Variants in RHCE observed in about 807,000 individuals in gnomAD.
RHCE encodes the protein blood group Rh(CE) polypeptide.
RHCE carries 22 observed loss-of-function variants against 43.8 expected under a neutral mutation model. The ratio of observed to expected loss-of-function variants is 0.50; its 90% CI spans 0.36 to 0.72. The LOEUF is 0.72. Among genes scored for constraint, RHCE ranks in the 30% least tolerant of loss-of-function variants. RHCE has a pLI of 0.00. For missense variants in RHCE, 385 were observed against 525.4 expected (o/e 0.73, Z 2.61); for synonymous variants, 156 against 210.7 (o/e 0.74, Z 2.25).
rs550071388 is a variant in RHCE, at chr1:25,406,464, C to T, written c.335+2219G>A. On this transcript the variant is annotated intron_variant, in intron 2 of 9. Coordinates refer to ENST00000294413, the MANE Select transcript of RHCE (RefSeq NM_020485.8). ...AGTAGCTGGGATTACAGGTGCCTGC[C>T]ACAATGCCCAGCTAATTTTTGTGTT... 2.5e-5 allele frequency among the ~76,000 whole-genome samples: 3 copies of T among 118,502 alleles called. 1 individual carries two copies. The highest frequency in any genetic ancestry group is 7.7e-5 in the African/African-American group (3 of 38,806). The allele number at this position is 118,502 out of a possible 152,430, so 77.7% of individuals were successfully genotyped here.
intron 1 of RHCE, among the ~76,000 whole-genome samples, chr1:25,416,156 T>C (rs1647404530): frequency 6.6e-6 from 1 of 152,140 alleles, no homozygotes; most frequent in African/African-American, 2.4e-5. Context: ...CTCCTAGCTT[T>C]GGAAGGTGCC....
At chr1:25,388,025 G>C (rs995753597) in intron 6 of RHCE, among the ~76,000 whole-genome samples, 23 of 151,862 alleles carry the variant, frequency 1.5e-4, no homozygotes, top group African/African-American at 5.3e-4. Flanking sequence ...CACCATGTTG[G>C]CCAGGCTGGT....
rs537670540 is a variant in RHCE at position 25,371,620 on chromosome 1, G to A, written c.1154-1080C>T. On this transcript the variant is annotated intron_variant, in intron 8 of 9. Coordinates refer to ENST00000294413, the MANE Select transcript of RHCE (RefSeq NM_020485.8). ...ACACCTGAGCTCAAGTGATCTGCCC[G>A]CCTTTGCCTTCTAAAGGGCTGCAAT... is the stretch of plus-strand genomic sequence containing the variant. Among the ~76,000 whole-genome samples the A allele has an allele frequency of 7.3e-5, 11 of 151,474 alleles. No individual in the cohort carries two copies. In the Middle Eastern group the frequency reaches 0.014, roughly 187 times the overall value.
At chr1:25,402,065 T>C (rs1158450791) in intron 3 of RHCE, among the ~76,000 whole-genome samples, 1 of 151,862 alleles carries the variant, frequency 6.6e-6, no homozygotes, top group Non-Finnish European at 1.5e-5. Context: ...TTAGTAGAGA[T>C]GAGGTTCCCC....
At chr1:25,386,399 A>G (rs1013389589) in intron 6 of RHCE, among the ~76,000 whole-genome samples, 16 of 152,354 alleles carry the variant, frequency 1.1e-4, no homozygotes, top group Admixed American at 8.5e-4. Flanking sequence ...CCACACCTCT[A>G]GATCCCTACT....
intron 1 of RHCE, among the ~76,000 whole-genome samples, chr1:25,412,731 A>AT (rs1557640662): frequency 6.6e-5 from 10 of 150,500 alleles, no homozygotes; most frequent in African/African-American, 2.4e-4. Context: ...AAAAAAAAAA[A>AT]AAAAAAAAAA....
At chr1:25,373,836 CTTT>C (rs59722323) in intron 8 of RHCE, among the ~76,000 whole-genome samples, 2 of 143,266 alleles carry the variant, frequency 1.4e-5, no homozygotes, top group African/African-American at 2.6e-5. Flanking sequence ...TATTTTCTTT[CTTT>C]TTTTTTTTTT....
chr1:25,427,830 C>T (rs2042816988), intron 2 of RHCE, among the ~76,000 whole-genome samples: 1 of 152,244 alleles, frequency 6.6e-6, no homozygotes, highest in African/African-American at 2.4e-5. Context: ...ATGGAGCTAG[C>T]ACAATCTGCT....
chr1:25,423,769 AGTAAAAT>A (rs1241057673), upstream of RHCE, among the ~76,000 whole-genome samples: 1 of 152,232 alleles, frequency 6.6e-6, no homozygotes, highest in African/African-American at 2.4e-5. Flanking sequence ...AACCAAATAC[AGTAAAAT>A]GTTAATTGTT....
chr1:25,427,285 G>A (rs996802426), intron 2 of RHCE, among the ~76,000 whole-genome samples: 1 of 152,192 alleles, frequency 6.6e-6, no homozygotes, highest in Non-Finnish European at 1.5e-5. Context: ...CTCAGCTGAA[G>A]CCCAAGTGCA....
chr1:25,422,151 C>T (rs186845549), upstream of RHCE, among the ~76,000 whole-genome samples: 17 of 152,354 alleles, frequency 1.1e-4, no homozygotes, highest in East Asian at 3.3e-3. Context: ...GCATCGGTCA[C>T]TTCTTGCTCA....
At chr1:25,405,042 A>G (rs890580365) in intron 2 of RHCE, among the ~76,000 whole-genome samples, 3 of 151,204 alleles carry the variant, frequency 2.0e-5, no homozygotes, top group Admixed American at 6.6e-5. Flanking sequence ...AGCAAAAAAA[A>G]AAAAAAAAAA....
At chr1:25,374,358 A>G (rs55922524) in intron 8 of RHCE, among the ~76,000 whole-genome samples, 20,750 of 151,576 alleles carry the variant, frequency 0.14, 4,543 homozygotes, top group African/African-American at 0.47. Flanking sequence ...AAACTGCTGC[A>G]ATTACAGGTA....
upstream of RHCE, among the ~76,000 whole-genome samples, chr1:25,423,718 T>G (rs1258136926): frequency 2.0e-5 from 3 of 152,240 alleles, no homozygotes; most frequent in Non-Finnish European, 2.9e-5. Flanking sequence ...GCAGGTCACC[T>G]GCTACAGAAA....
rs1175703480 is a variant in RHCE at position 25,379,479 on chromosome 1, ATATATATATATATATATTTTTTTTTTTT to A, written c.1074-4079_1074-4052del. ...TATATATATATATATATATATATAT[ATATATATATATATATATTTTTTTTTTTT>A]TTTTTTTTTTTTTTAAAGATGGGAT... On this transcript the variant is annotated intron_variant, in intron 7 of 9. Transcript: ENST00000294413. Among the ~76,000 whole-genome samples, 30 of 26,412 alleles carry A rather than the reference ATATATATATATATATATTTTTTTTTTTT, an allele frequency of 1.1e-3. 1 individual carries two copies. The highest frequency in any genetic ancestry group is 5.1e-3 in the African/African-American group (25 of 4,892). The allele number at this position is 26,412 out of a possible 152,430, so 17.3% of individuals were successfully genotyped here. A position where few individuals can be genotyped will look rare whatever the true frequency, so the allele number is the denominator to read the frequency against.
intron 7 of RHCE, among the ~76,000 whole-genome samples, chr1:25,383,486 A>G (rs184122105): frequency 6.6e-6 from 1 of 152,178 alleles, no homozygotes; most frequent in Non-Finnish European, 1.5e-5. Context: ...CTATTGCTAA[A>G]TCTGCACAGC....
At chr1:25,399,066 C>G in intron 3 of RHCE, 4 of 1,604,662 alleles carry the variant, frequency 2.5e-6, no homozygotes, top group Non-Finnish European at 3.4e-6. Flanking sequence ...TGACTATGTT[C>G]ATGGGGATGC....
chr1:25,400,803 T>C (rs1646714179), intron 3 of RHCE, among the ~76,000 whole-genome samples: 1 of 152,012 alleles, frequency 6.6e-6, no homozygotes, highest in Non-Finnish European at 1.5e-5. Context: ...CCCATCTCAG[T>C]AAATGGCACC....
upstream of RHCE, among the ~76,000 whole-genome samples, chr1:25,425,427 C>T (rs554712377): frequency 2.0e-5 from 3 of 152,296 alleles, no homozygotes; most frequent in South Asian, 2.1e-4. Context: ...AGCTAATAAA[C>T]GGCAGAGGTG....
Sources: gnomAD v4.1 joint callset for allele counts (sites outside exome capture counted in the v4.1 genomes callset) on GRCh38, gnomAD v4.1.1 for gene constraint, MANE v1.5 for transcripts, NCBI Gene and HGNC (gene_info 2026-07-23, HGNC 2026-07-21) for gene names.